PLG: variants seen among roughly 807,000 people sequenced by gnomAD.
PLG encodes the protein plasmin.
Under a neutral mutation model 104.4 loss-of-function variants are expected in PLG, and 41 were observed. The ratio of observed to expected loss-of-function variants is 0.39; its 90% CI spans 0.31 to 0.51. The LOEUF (loss-of-function observed/expected upper bound fraction) is 0.51, where lower values mean the gene tolerates loss of function less well. PLG is among the 20% of genes least tolerant of loss of function. The pLI is 0.76. For synonymous variants in PLG, 337 were observed against 357.1 expected (o/e 0.94, Z 0.63); for missense variants, 891 against 1,003.6 (o/e 0.89, Z 1.52).
At position 160,736,832 on chromosome 6, in the gene PLG, C is replaced by T. The variant is rs1388559869; in HGVS notation, c.1682-55C>T. ...TGCTTGGAATTTGTCTCGAATTACA[C>T]CACAAAATTGCTACCTTGTCTCAAA... On this transcript the variant is annotated intron_variant, in intron 13 of 18. Transcript: ENST00000308192. This position sits in a 1 kb window ranked among gnomAD's most constrained non-coding sequence, Gnocchi z 5.2. 2 of 1,609,768 alleles carry T rather than the reference C, an allele frequency of 1.2e-6. No homozygotes were observed. The highest frequency in any genetic ancestry group is 1.7e-5 in the Admixed American group (1 of 59,896).
At chr6:160,748,366 A>AAGAAAGAGAGAGAGAGAGAGAG in intron 17 of PLG, among the ~76,000 whole-genome samples, 1 of 38,136 alleles carries the variant, frequency 2.6e-5, no homozygotes, top group Middle Eastern at 0.012. Context: ...GAAAGAAAGA[A>AAGAAAGAGAGAGAGAGAGAGAG]AGAAAGAAAG....
rs1299085285 is a variant in PLG, at chr6:160,744,061, A to G, written c.2125+2644A>G. 6.6e-6 allele frequency among the ~76,000 whole-genome samples: 1 copy of G among 152,060 alleles called. No homozygotes were observed. The highest frequency in any genetic ancestry group is 6.5e-5 in the Admixed American group (1 of 15,274). On this transcript the variant is annotated intron_variant, in intron 17 of 18. Coordinates refer to ENST00000308192, the MANE Select transcript of PLG (RefSeq NM_000301.5). This position sits in a 1 kb window ranked among gnomAD's most constrained non-coding sequence, Gnocchi z 4.5. ...TTATGTGCTGCTGGATTTGGTTTGC[A>G]AGTATTTTGTAAAGGATTTTTGCAT...
At position 160,740,463 on chromosome 6, in the gene PLG, C is replaced by T. The variant is rs4252164; in HGVS notation, c.2019-848C>T. Among the ~76,000 whole-genome samples the T allele has an allele frequency of 0.019, 2,880 of 152,194 alleles. 88 individuals carry two copies. The highest frequency in any genetic ancestry group is 0.067 in the African/African-American group (2,768 of 41,516). ...ACATTTCGAGTTTAGAGTTCCCACC[C>T]CACATCCCCACACCCCGAGTCTAGG... On this transcript the variant is annotated intron_variant, in intron 16 of 18. Coordinates refer to ENST00000308192, the MANE Select transcript of PLG (RefSeq NM_000301.5). The surrounding 1 kb of genome is among the most constrained non-coding windows in gnomAD (Gnocchi z 5.2).
chr6:160,733,878 A>C lies in PLG; in HGVS notation c.1588-117A>C, dbSNP rs528932957. On this transcript the variant is annotated intron_variant, in intron 12 of 18. Coordinates refer to ENST00000308192, the MANE Select transcript of PLG (RefSeq NM_000301.5). Reference sequence around the variant, plus strand: ...AAAAAAAAAAAAAAAAGAAGGAAGGAAAAAGAAACACTCCTTTATGTCTTC... The same window carrying C: ...AAAAAAAAAAAAAAAAGAAGGAAGGCAAAAGAAACACTCCTTTATGTCTTC... 85 of 595,886 alleles carry C rather than the reference A, an allele frequency of 1.4e-4. 1 individual carries two copies. Among genetic ancestry groups the C allele is most frequent in the South Asian group, 1.4e-3 (85 of 60,632 alleles). 36.9% of individuals were successfully genotyped at this position (595,886 alleles called of 1,614,324 possible). A position where few individuals can be genotyped will look rare whatever the true frequency, so the allele number is the denominator to read the frequency against.
chr6:160,712,965 C>G (rs529578842), intron 4 of PLG, 21 bp from the exon 5 acceptor site: 1 of 1,601,400 alleles, frequency 6.2e-7, no homozygotes, highest in Admixed American at 1.7e-5. Flanking sequence ...AGTCTAAGTG[C>G]TTCTTTTCCA....
rs1355117498 is a variant in PLG, at chr6:160,734,434, C to A, written c.1681+346C>A. Among the ~76,000 whole-genome samples the A allele has an allele frequency of 6.6e-6, 1 of 152,134 alleles. No individual in the cohort carries two copies. Among genetic ancestry groups the A allele is most frequent in the African/African-American group, 2.4e-5 (1 of 41,400 alleles). On this transcript the variant is annotated intron_variant, in intron 13 of 18. Transcript: ENST00000308192. This position sits in a 1 kb window ranked among gnomAD's most constrained non-coding sequence, Gnocchi z 4.4. Reference sequence around the variant, plus strand: ...GAGTCATTCGGATGAAAAACTTTCCCTTTCCACAGCTGAGAAGTAAGAAAG... The same window carrying A: ...GAGTCATTCGGATGAAAAACTTTCCATTTCCACAGCTGAGAAGTAAGAAAG...
rs550963015 is a variant in PLG, at chr6:160,704,251, C to A, written c.49+1898C>A. On this transcript the variant is annotated intron_variant, in intron 1 of 18. Coordinates refer to ENST00000308192, the MANE Select transcript of PLG (RefSeq NM_000301.5). ...AAGAAAAAATGGGGGAAAATTATTT[C>A]AAACTGAAAAGAGAAAAGTTTGATT... Among the ~76,000 whole-genome samples the A allele has an allele frequency of 4.6e-5, 7 of 152,258 alleles. No individual in the cohort carries two copies. In the South Asian group the frequency reaches 1.5e-3, roughly 32 times the overall value.
At position 160,737,746 on chromosome 6, in the gene PLG, A is replaced by G. The variant is rs1344086063; in HGVS notation, c.1802+739A>G. 6.6e-6 allele frequency among the ~76,000 whole-genome samples: 1 copy of G among 152,164 alleles called. No homozygotes were observed. Among genetic ancestry groups the G allele is most frequent in the African/African-American group, 2.4e-5 (1 of 41,444 alleles). On this transcript the variant is annotated intron_variant, in intron 14 of 18. Transcript: ENST00000308192. The surrounding 1 kb of genome is among the most constrained non-coding windows in gnomAD (Gnocchi z 4.7). ...TTTTCCCCTAAAGAGACTCTTTTCC[A>G]TAAGTTTGTGAAATGCCATCGACAA... is the stretch of plus-strand genomic sequence containing the variant.
intron 17 of PLG, among the ~76,000 whole-genome samples, chr6:160,749,093 C>T (rs114701454): frequency 0.012 from 1,892 of 152,328 alleles, 37 homozygotes; most frequent in African/African-American, 0.043. Flanking sequence ...AATTCCTCAA[C>T]TGATGAAAGC....
intron 9 of PLG, among the ~76,000 whole-genome samples, chr6:160,720,246 A>G (rs928820128): frequency 2.0e-5 from 3 of 151,622 alleles, no homozygotes; most frequent in East Asian, 1.9e-4. Flanking sequence ...TCAATAGGTC[A>G]TTTTTCTCTG....
intron 17 of PLG, among the ~76,000 whole-genome samples, chr6:160,750,286 C>T (rs1304222748): frequency 1.3e-5 from 2 of 152,212 alleles, no homozygotes; most frequent in Admixed American, 6.5e-5. Flanking sequence ...CTCTCCCCAA[C>T]GCCCCATCGG....
intron 17 of PLG, among the ~76,000 whole-genome samples, chr6:160,742,509 T>A (rs1476593271): frequency 6.6e-6 from 1 of 152,024 alleles, no homozygotes; most frequent in Non-Finnish European, 1.5e-5. Context: ...TTTTTTTTTC[T>A]TGTAAATTTG....
Position 160,738,810 on chromosome 6 carries a change from A to T in PLG, c.1877+198A>T, listed in dbSNP as rs1778135249. Among the ~76,000 whole-genome samples the T allele has an allele frequency of 6.6e-6, 1 of 152,194 alleles. No individual in the cohort carries two copies. The highest frequency in any genetic ancestry group is 2.4e-5 in the African/African-American group (1 of 41,444). On this transcript the variant is annotated intron_variant, in intron 15 of 18. Transcript: ENST00000308192. This position sits in a 1 kb window ranked among gnomAD's most constrained non-coding sequence, Gnocchi z 6.8. Reference sequence around the variant, plus strand: ...AAACTGCAGAGGAAAGACACAGTACAGATGATTTTGTGGGCCTGAATAAAC... The same window carrying T: ...AAACTGCAGAGGAAAGACACAGTACTGATGATTTTGTGGGCCTGAATAAAC...
chr6:160,708,065 C>T (rs1470650099), intron 3 of PLG: 2 of 362,158 alleles, frequency 5.5e-6, no homozygotes, highest in Non-Finnish European at 1.1e-5. Context: ...CCTCTATGAC[C>T]CTGAAAATAA....
In PLG at chr6:160,738,913, G is replaced by A. The variant is rs1352102922; in HGVS notation, c.1878-155G>A. Among the ~76,000 whole-genome samples, 1 of 152,108 alleles carries A rather than the reference G, an allele frequency of 6.6e-6. No individual in the cohort carries two copies. Among genetic ancestry groups the A allele is most frequent in the East Asian group, 1.9e-4 (1 of 5,184 alleles). On this transcript the variant is annotated intron_variant, in intron 15 of 18. Transcript: ENST00000308192. This position sits in a 1 kb window ranked among gnomAD's most constrained non-coding sequence, Gnocchi z 6.8. The stretch of plus-strand genomic sequence containing the variant: ...GCCCAAGAACATTCCTTAACTGCCT[G>A]TTTCAAGCAAATCATGAATTTTGCT...
chr6:160,748,400 G>GAAAAA (rs1562383460), intron 17 of PLG, among the ~76,000 whole-genome samples: 2 of 26,542 alleles, frequency 7.5e-5, no homozygotes, highest in Non-Finnish European at 1.5e-4. Context: ...AAGAAAGAAA[G>GAAAAA]GAAGAAAGAA....
chr6:160,706,144 T>G, intron 1 of PLG: 1 of 509,348 alleles, frequency 2.0e-6, no homozygotes, highest in Non-Finnish European at 3.6e-6. Flanking sequence ...ACTAAATAGG[T>G]AGTTTTTCAG....
At chr6:160,751,456 A>C (rs1778398352) in intron 17 of PLG, among the ~76,000 whole-genome samples, 1 of 152,252 alleles carries the variant, frequency 6.6e-6, no homozygotes. Flanking sequence ...GTGTCTGGAA[A>C]GGTTAATTCT....
At position 160,738,713 on chromosome 6, in the gene PLG, C is replaced by CTTTTTTTTTTTTTTTT; in HGVS notation, c.1877+103_1877+104insTTTTTTTTTTTTTTTT. ...TTCCTTTCTCACTCTTCCTCCCTTC[C>CTTTTTTTTTTTTTTTT]TTCTCTGGCTGTGACACTAGGGACC... On this transcript the variant is annotated intron_variant, in intron 15 of 18. Transcript: ENST00000308192. This position sits in a 1 kb window ranked among gnomAD's most constrained non-coding sequence, Gnocchi z 6.8. 1.1e-6 allele frequency: 1 copy of CTTTTTTTTTTTTTTTT among 872,064 alleles called. No homozygotes were observed. Among genetic ancestry groups the CTTTTTTTTTTTTTTTT allele is most frequent in the Non-Finnish European group, 2.0e-6 (1 of 511,670 alleles). 54.0% of individuals were successfully genotyped at this position (872,064 alleles called of 1,614,324 possible). A position where few individuals can be genotyped will look rare whatever the true frequency, so the allele number is the denominator to read the frequency against.
Sources: gnomAD v4.1 joint callset for allele counts (sites outside exome capture counted in the v4.1 genomes callset) on GRCh38, gnomAD v4.1.1 for gene constraint, Gnocchi (gnomAD v3.1) non-coding constraint, MANE v1.5 for transcripts, NCBI Gene and HGNC (gene_info 2026-07-23, HGNC 2026-07-21) for gene names.